Variants in DMD observed in about 807,000 individuals in gnomAD.
DMD encodes dystrophin.
DMD carries 63 observed loss-of-function variants against 330.1 expected under a neutral mutation model. The ratio of observed to expected loss-of-function variants is 0.19; its 90% CI spans 0.16 to 0.24. The LOEUF is 0.24. Ranked by LOEUF, DMD falls within the 10% of genes least tolerant of loss-of-function variation. The pLI is 1.00. For missense variants in DMD, 3,344 were observed against 2,684.1 expected (o/e 1.25, Z -5.43); for synonymous variants, 1,223 against 959.8 (o/e 1.27, Z -5.07).
Position 32,438,419 on chromosome X carries a change from T to G in DMD, c.3922-29A>C, listed in dbSNP as rs368163407. The G allele has an allele frequency of 1.0e-5, 12 of 1,200,397 alleles. No homozygotes were observed. The Admixed American group carries it at 1.3e-4, about 13-fold the overall frequency. Reference sequence around the variant, plus strand: ...AAACACATTTGCAATAATTACTATTTCTCCTTTTTTTTCTAAATACATTGG... The same window carrying G: ...AAACACATTTGCAATAATTACTATTGCTCCTTTTTTTTCTAAATACATTGG... On this transcript the variant is annotated intron_variant, in intron 28 of 78. Transcript: ENST00000357033.
chrX:31,472,721 G>A (rs945264681), intron 59 of DMD, among the ~76,000 whole-genome samples: 7 of 111,889 alleles, frequency 6.3e-5, no homozygotes, highest in Non-Finnish European at 9.4e-5. Context: ...GGATGGCATC[G>A]TCACTTCATC....
chrX:32,401,465 G>A (rs986980732), intron 30 of DMD, among the ~76,000 whole-genome samples: 8 of 111,808 alleles, frequency 7.2e-5, no homozygotes, highest in African/African-American at 2.6e-4. Context: ...GCCAGTCACA[G>A]AAAGACAAAC....
At chrX:31,513,482 A>G (rs2071862311) in intron 55 of DMD, among the ~76,000 whole-genome samples, 1 of 111,042 alleles carries the variant, frequency 9.0e-6, no homozygotes, top group South Asian at 4.0e-4. Context: ...ATTGATATGG[A>G]GAATCAAGTG....
At chrX:31,433,623 A>AT (rs2064247332) in intron 60 of DMD, among the ~76,000 whole-genome samples, 1 of 108,959 alleles carries the variant, frequency 9.2e-6, no homozygotes, top group African/African-American at 3.3e-5. Flanking sequence ...TGCCCGGCTA[A>AT]TTTTTTTGTA....
chrX:31,532,154 G>A (rs981895138), intron 55 of DMD, among the ~76,000 whole-genome samples: 1 of 97,661 alleles, frequency 1.0e-5, no homozygotes, highest in Non-Finnish European at 2.0e-5. Flanking sequence ...GATACTCCTC[G>A]AGAAGAGCAA....
At chrX:32,181,848 A>G (rs1313829607) in intron 44 of DMD, among the ~76,000 whole-genome samples, 1 of 112,004 alleles carries the variant, frequency 8.9e-6, no homozygotes, top group Admixed American at 9.5e-5. Context: ...TGCTGCAGTA[A>G]GCTATATCCC....
At chrX:31,764,218 T>C (rs2089836935) in intron 51 of DMD, among the ~76,000 whole-genome samples, 2 of 111,735 alleles carry the variant, frequency 1.8e-5, no homozygotes, top group African/African-American at 6.5e-5. Context: ...AATCTCATTA[T>C]ATATAGCTTC....
intron 43 of DMD, among the ~76,000 whole-genome samples, chrX:32,234,300 G>A (rs2097179914): frequency 8.9e-6 from 1 of 112,193 alleles, no homozygotes; most frequent in Non-Finnish European, 1.9e-5. Flanking sequence ...TGCAAGATGA[G>A]AGCATAGGAG....
Position 31,951,111 on chromosome X carries a change from C to CTATATATATATATA in DMD, c.6614+17227_6614+17228insTATATATATATATA, listed in dbSNP as rs1190843934. 4.3e-3 allele frequency among the ~76,000 whole-genome samples: 284 copies of CTATATATATATATA among 66,630 alleles called. 4 individuals are homozygous for CTATATATATATATA. Among genetic ancestry groups the CTATATATATATATA allele is most frequent in the Non-Finnish European group, 6.9e-3 (248 of 36,029 alleles). The allele number at this position is 66,630 out of a possible 115,157, so 57.9% of individuals were successfully genotyped here. On this transcript the variant is annotated intron_variant, in intron 45 of 78. Transcript: ENST00000357033. ...TAGGACCTAAGTTTAAACACACATA[C>CTATATATATATATA]TATATATATACATATATATATATAT...
In DMD at chrX:33,187,008, A is replaced by G. The variant is rs375436344; in HGVS notation, c.31+24274T>C. ...TGTAAATTGTCAAGTTGAACTTAAC[A>G]AAGTATAGTTTATGTTGGGGAAAAC... is the stretch of plus-strand genomic sequence containing the variant. On this transcript the variant is annotated intron_variant, in intron 1 of 78. Coordinates refer to ENST00000357033, the MANE Select transcript of DMD (RefSeq NM_004006.3). Among the ~76,000 whole-genome samples, 6 of 112,427 alleles carry G rather than the reference A, an allele frequency of 5.3e-5. No homozygotes were observed. In the East Asian group the frequency reaches 1.7e-3, roughly 31 times the overall value.
intron 1 of DMD, among the ~76,000 whole-genome samples, chrX:33,276,374 G>A (rs2053235904): frequency 9.0e-6 from 1 of 110,700 alleles, no homozygotes; most frequent in Admixed American, 9.7e-5. Context: ...TGCTGATAGG[G>A]TCTTTTTCTT....
At chrX:33,194,630 A>T (rs1186146220) in intron 1 of DMD, among the ~76,000 whole-genome samples, 1 of 111,296 alleles carries the variant, frequency 9.0e-6, no homozygotes, top group Non-Finnish European at 1.9e-5. Context: ...AAGATAAAAT[A>T]TTAAAGAAAA....
At chrX:31,821,923 C>T (rs747903279) in intron 49 of DMD, among the ~76,000 whole-genome samples, 2 of 112,111 alleles carry the variant, frequency 1.8e-5, no homozygotes, top group Non-Finnish European at 3.8e-5. Flanking sequence ...ATGAACCCAA[C>T]CTAACTGGAA....
chrX:31,866,806 T>A (rs1262228117), intron 48 of DMD, among the ~76,000 whole-genome samples: 4 of 111,723 alleles, frequency 3.6e-5, no homozygotes, highest in Non-Finnish European at 7.5e-5. Context: ...TAAATTAAAA[T>A]GACTGTGAAA....
intron 2 of DMD, among the ~76,000 whole-genome samples, chrX:32,936,402 G>T (rs921032148): frequency 9.0e-6 from 1 of 111,721 alleles, no homozygotes; most frequent in African/African-American, 3.3e-5. Context: ...GTGAGCCACC[G>T]CGCCCAGCTT....
At chrX:32,676,628 T>C (rs966632414) in intron 9 of DMD, among the ~76,000 whole-genome samples, 4 of 111,265 alleles carry the variant, frequency 3.6e-5, no homozygotes, top group Non-Finnish European at 7.6e-5. Context: ...ACTCTTAGGG[T>C]TTTATAAACT....
chrX:32,188,966 C>G (rs2096959644), intron 44 of DMD, among the ~76,000 whole-genome samples: 1 of 110,755 alleles, frequency 9.0e-6, no homozygotes, highest in South Asian at 3.7e-4. Flanking sequence ...TTATGCTTTT[C>G]ACCTATAGGG....
intron 21 of DMD, among the ~76,000 whole-genome samples, chrX:32,476,760 A>G (rs2041276465): frequency 8.9e-6 from 1 of 111,743 alleles, no homozygotes; most frequent in African/African-American, 3.2e-5. Flanking sequence ...GGGCAAACAC[A>G]GTATGAGCTG....
intron 44 of DMD, among the ~76,000 whole-genome samples, chrX:32,128,828 T>C (rs1278000917): frequency 8.9e-6 from 1 of 112,299 alleles, no homozygotes; most frequent in Admixed American, 9.5e-5. Flanking sequence ...GTCGTTCCTC[T>C]TTGTGTAAAG....
Sources: allele counts gnomAD v4.1 joint callset (sites outside exome capture counted in the v4.1 genomes callset), GRCh38; gene constraint gnomAD v4.1.1; transcripts MANE v1.5; gene names NCBI Gene and HGNC (gene_info 2026-07-23, HGNC 2026-07-21).